Variants in CTNNA2 observed in about 807,000 individuals in gnomAD.
CTNNA2 encodes catenin alpha-2.
CTNNA2 carries 42 observed loss-of-function variants against 101.0 expected under a neutral mutation model. That is an observed-to-expected ratio of 0.42 (90% CI 0.32 to 0.54). The LOEUF is 0.54. CTNNA2 is among the 20% of genes least tolerant of loss of function. The probability of loss-of-function intolerance (pLI) is 0.14; values close to 1 mark genes in which losing one functional copy is unlikely to be tolerated. For missense variants in CTNNA2, 871 were observed against 1,223.1 expected (o/e 0.71, Z 4.29); for synonymous variants, 450 against 456.4 (o/e 0.99, Z 0.18).
intron 4 of CTNNA2, among the ~76,000 whole-genome samples, chr2:79,448,954 A>G (rs1186378057): frequency 6.6e-6 from 1 of 151,940 alleles, no homozygotes; most frequent in Non-Finnish European, 1.5e-5. Context: ...ATCCTAAGGG[A>G]AGGGAATCAG....
intron 9 of CTNNA2, among the ~76,000 whole-genome samples, chr2:80,533,536 C>T (rs1270195452): frequency 2.0e-5 from 3 of 152,138 alleles, no homozygotes; most frequent in Non-Finnish European, 2.9e-5. Context: ...GCTGCACTTA[C>T]TTATTCATCT....
intron 7 of CTNNA2, among the ~76,000 whole-genome samples, chr2:79,938,170 GAGGGGAGA>G (rs2104447374): frequency 6.6e-6 from 1 of 152,326 alleles, no homozygotes; most frequent in African/African-American, 2.4e-5. Flanking sequence ...AGTAAGGGAG[GAGGGGAGA>G]ACCAGCTCAC....
At chr2:79,596,774 A>G (rs969534227) in intron 1 of CTNNA2, among the ~76,000 whole-genome samples, 2 of 152,188 alleles carry the variant, frequency 1.3e-5, no homozygotes, top group Non-Finnish European at 2.9e-5. Flanking sequence ...ATTCTCTGTA[A>G]TTTGCCCTTA....
intron 1 of CTNNA2, among the ~76,000 whole-genome samples, chr2:79,554,735 C>T (rs1425507926): frequency 6.6e-6 from 1 of 152,136 alleles, no homozygotes; most frequent in Non-Finnish European, 1.5e-5. Flanking sequence ...TTAAATTAAT[C>T]CTGTTCTCAA....
At chr2:79,589,316 A>G (rs1215766394) in intron 1 of CTNNA2, among the ~76,000 whole-genome samples, 1 of 152,192 alleles carries the variant, frequency 6.6e-6, no homozygotes, top group Non-Finnish European at 1.5e-5. Context: ...GATGTCTATA[A>G]TTTTAGCCTG....
Position 79,374,691 on chromosome 2 carries a change from C to A in CTNNA2, c.-135+678C>A, listed in dbSNP as rs534997823. On this transcript the variant is annotated intron_variant, in intron 4 of 21. Coordinates refer to the CTNNA2 transcript ENST00000466387. The stretch of plus-strand genomic sequence containing the variant: ...TTGGGAGATGATGTATCAGCAGCAA[C>A]TAGCCAAGCACCATTTTAAACTAAA... 2.6e-5 allele frequency among the ~76,000 whole-genome samples: 4 copies of A among 152,176 alleles called. 1 individual carries two copies. The East Asian group carries it at 7.7e-4, about 29-fold the overall frequency.
At position 79,858,066 on chromosome 2, in the gene CTNNA2, G is replaced by T. The variant is rs1681280545; in HGVS notation, c.352G>T (p.Val118Leu). ...SEFADDPCSSVKRGTMVRAAR... is the reference protein window; with the variant it reads ...SEFADDPCSSLKRGTMVRAAR... The stretch of plus-strand genomic sequence containing the variant: ...GTTTGCAGATGACCCTTGCTCGTCG[G>T]TAAAGCGCGGCACCATGGTACGGGC... The change falls in exon 4 of 19, where the codon GTA (valine) becomes TTA (leucine). Residue 118 changes from valine (V) to leucine (L), a missense_variant. Coordinates refer to ENST00000402739, the MANE Select transcript of CTNNA2 (RefSeq NM_001282597.3). 6.2e-7 allele frequency: 1 copy of T among 1,614,008 alleles called. No homozygotes were observed. The highest frequency in any genetic ancestry group is 1.3e-5 in the African/African-American group (1 of 74,928).
At chr2:80,638,086 T>A (rs541771541) in intron 18 of CTNNA2, among the ~76,000 whole-genome samples, 1 of 152,276 alleles carries the variant, frequency 6.6e-6, no homozygotes, top group Non-Finnish European at 1.5e-5. Context: ...CATGATGATA[T>A]CACCTAGGGA....
intron 7 of CTNNA2, among the ~76,000 whole-genome samples, chr2:80,233,422 C>A (rs1187609368): frequency 2.0e-5 from 3 of 152,116 alleles, no homozygotes; most frequent in African/African-American, 7.2e-5. Flanking sequence ...GTCTCTTCTA[C>A]ATGCAAAGCT....
At chr2:79,222,389 C>T (rs547292850) in intron 2 of CTNNA2, among the ~76,000 whole-genome samples, 21 of 152,274 alleles carry the variant, frequency 1.4e-4, no homozygotes, top group South Asian at 2.1e-4. Context: ...TTCAGACAGG[C>T]GCTCTACCCA....
chr2:79,353,532 T>C (rs1434179), intron 3 of CTNNA2, among the ~76,000 whole-genome samples: 117,099 of 152,082 alleles, frequency 0.77, 45,387 homozygotes, highest in East Asian at 0.96. Flanking sequence ...GATCTTTCTC[T>C]GTTCCTTTAC....
At chr2:80,624,887 A>T (rs1201051561) in intron 18 of CTNNA2, among the ~76,000 whole-genome samples, 1 of 151,894 alleles carries the variant, frequency 6.6e-6, no homozygotes, top group East Asian at 1.9e-4. Flanking sequence ...ATATGTAGTT[A>T]ATTTTAGTTC....
chr2:79,955,425 C>T (rs4591366), intron 7 of CTNNA2, among the ~76,000 whole-genome samples: 26,927 of 152,136 alleles, frequency 0.18, 2,876 homozygotes, highest in East Asian at 0.52. Flanking sequence ...TCATGATACC[C>T]GTGTCCTCAT....
At chr2:80,533,216 G>A (rs1371076022) in intron 9 of CTNNA2, among the ~76,000 whole-genome samples, 3 of 152,164 alleles carry the variant, frequency 2.0e-5, no homozygotes, top group Non-Finnish European at 4.4e-5. Flanking sequence ...AAGCCTGAAG[G>A]TGTTTGGAAG....
intron 18 of CTNNA2, among the ~76,000 whole-genome samples, chr2:80,640,848 T>TGGAAAGATTCCAGTTTCCTTG (rs199887902): frequency 0.048 from 7,253 of 152,196 alleles, 195 homozygotes; most frequent in Middle Eastern, 0.075. Flanking sequence ...CCAGCTCCAG[T>TGGAAAGATTCCAGTTTCCTTG]GGAAAGATTC....
At chr2:79,322,028 G>A (rs148243768) in intron 3 of CTNNA2, among the ~76,000 whole-genome samples, 1 of 152,224 alleles carries the variant, frequency 6.6e-6, no homozygotes, top group East Asian at 1.9e-4. Flanking sequence ...AAATTACAGT[G>A]ATCACATCAT....
At chr2:79,927,315 T>C (rs958431529) in intron 7 of CTNNA2, among the ~76,000 whole-genome samples, 10 of 152,122 alleles carry the variant, frequency 6.6e-5, no homozygotes, top group African/African-American at 1.2e-4. Flanking sequence ...TATGCAGTGT[T>C]TGGGAACAGC....
At position 79,606,360 on chromosome 2, in the gene CTNNA2, C is replaced by T. The variant is rs186035406; in HGVS notation, c.-5-45192C>T. Among the ~76,000 whole-genome samples the T allele has an allele frequency of 1.4e-3, 218 of 152,208 alleles. 1 individual carries two copies. In the Middle Eastern group the frequency reaches 0.017, roughly 12 times the overall value. Reference sequence around the variant, plus strand: ...TCGGCTCACTGCAAGCTCTGCCTCCCGAGTTCATGCCATTCTCCTGCCTCA... The same window carrying T: ...TCGGCTCACTGCAAGCTCTGCCTCCTGAGTTCATGCCATTCTCCTGCCTCA... On this transcript the variant is annotated intron_variant, in intron 1 of 18. Transcript: ENST00000402739.
At chr2:80,463,440 G>C (rs1486092249) in intron 9 of CTNNA2, among the ~76,000 whole-genome samples, 1 of 152,102 alleles carries the variant, frequency 6.6e-6, no homozygotes, top group Non-Finnish European at 1.5e-5. Flanking sequence ...TCCTTAGAAG[G>C]GTTATGGAGC....
Sources: allele counts gnomAD v4.1 joint callset (sites outside exome capture counted in the v4.1 genomes callset), GRCh38; gene constraint gnomAD v4.1.1; transcripts MANE v1.5; gene names NCBI Gene and HGNC (gene_info 2026-07-23, HGNC 2026-07-21).